Variants in PTK2B observed in about 807,000 individuals in gnomAD.
PTK2B encodes the protein protein tyrosine kinase 2 beta.
PTK2B carries 71 observed loss-of-function variants against 142.9 expected under a neutral mutation model. The observed-to-expected ratio is 0.50, with a 90% CI of 0.41 to 0.61. The LOEUF (loss-of-function observed/expected upper bound fraction) is 0.61, where lower values mean the gene tolerates loss of function less well. PTK2B is among the 20% of genes least tolerant of loss of function. The probability of loss-of-function intolerance (pLI) is 0.00; values close to 1 mark genes in which losing one functional copy is unlikely to be tolerated. For missense variants in PTK2B, 1,105 were observed against 1,320.4 expected (o/e 0.84, Z 2.53); for synonymous variants, 519 against 503.4 (o/e 1.03, Z -0.42).
intron 1 of PTK2B, among the ~76,000 whole-genome samples, chr8:27,333,496 A>G (rs1232409588): frequency 2.0e-5 from 3 of 152,310 alleles, no homozygotes; most frequent in East Asian, 1.9e-4. Flanking sequence ...ATCTGAATAA[A>G]TTGCGTAACT....
rs769931947 is a variant in PTK2B, at chr8:27,420,755, C to G, written c.471+11C>G. ...TATTTTTACCAACAGGTAAAAAGTACTTTATCTTCTTGCCCCGAGGCTCCC... is the reference window on the plus strand; with the variant it reads ...TATTTTTACCAACAGGTAAAAAGTAGTTTATCTTCTTGCCCCGAGGCTCCC... On this transcript the variant is annotated intron_variant, in intron 4 of 30. Coordinates refer to ENST00000346049, the MANE Select transcript of PTK2B (RefSeq NM_173176.3). 11 of 1,596,714 alleles carry G rather than the reference C, an allele frequency of 6.9e-6. No homozygotes were observed. Among genetic ancestry groups the G allele is most frequent in the East Asian group, 2.2e-5 (1 of 44,798 alleles).
At chr8:27,436,434 C>A in intron 15 of PTK2B, 86 bp downstream of exon 15, 1 of 1,335,668 alleles carries the variant, frequency 7.5e-7, no homozygotes, top group Non-Finnish European at 1.1e-6. Flanking sequence ...TTGGAGTTGG[C>A]ACAGCCTTCA....
At chr8:27,429,330 G>A (rs1810269473) in intron 5 of PTK2B, among the ~76,000 whole-genome samples, 1 of 152,184 alleles carries the variant, frequency 6.6e-6, no homozygotes, top group Non-Finnish European at 1.5e-5. Context: ...TTATAAGGAT[G>A]CCCGAATTAA....
intron 2 of PTK2B, among the ~76,000 whole-genome samples, chr8:27,404,872 A>G (rs1286895285): frequency 6.6e-6 from 1 of 152,128 alleles, no homozygotes; most frequent in East Asian, 1.9e-4. Flanking sequence ...TGATGCCCTA[A>G]CACCCAGTGT....
intron 2 of PTK2B, among the ~76,000 whole-genome samples, chr8:27,405,564 AG>A (rs1808660253): frequency 6.6e-6 from 1 of 152,204 alleles, no homozygotes; most frequent in Admixed American, 6.5e-5. Flanking sequence ...GTATTTAAAA[AG>A]GTATATTCAC....
rs556995193 is a variant in PTK2B at position 27,315,879 on chromosome 8, A to G, written c.-414+2592A>G. Reference sequence around the variant, plus strand: ...CCACTATAAAAGAAAAGATGGAACTAATTGCTCCAAGTTCTGACCAACTTA... The same window carrying G: ...CCACTATAAAAGAAAAGATGGAACTGATTGCTCCAAGTTCTGACCAACTTA... On this transcript the variant is annotated intron_variant, in intron 3 of 35. Coordinates refer to the PTK2B transcript ENST00000397501. Among the ~76,000 whole-genome samples the G allele has an allele frequency of 3.0e-4, 45 of 152,196 alleles. No individual in the cohort carries two copies. In the South Asian group the frequency reaches 4.8e-3, roughly 16 times the overall value.
intron 1 of PTK2B, among the ~76,000 whole-genome samples, chr8:27,370,057 AT>A (rs1316195498): frequency 6.6e-6 from 1 of 152,258 alleles, no homozygotes; most frequent in Non-Finnish European, 1.5e-5. Context: ...TGAGGTCTCC[AT>A]TGAAGATGTG....
chr8:27,389,988 G>A lies in PTK2B; in HGVS notation c.-37-7560G>A, dbSNP rs1055281643. Among the ~76,000 whole-genome samples the A allele has an allele frequency of 3.9e-5, 6 of 152,332 alleles. No homozygotes were observed. In the East Asian group the frequency reaches 7.7e-4, roughly 20 times the overall value. ...GGCCTTTGGGATAGGAAAGGGCTGC[G>A]TTCTCCATCTTGTTGATGTGGAAAC... On this transcript the variant is annotated intron_variant, in intron 1 of 30. Transcript: ENST00000346049.
At chr8:27,374,097 A>G (rs2130975729) in intron 1 of PTK2B, among the ~76,000 whole-genome samples, 1 of 152,258 alleles carries the variant, frequency 6.6e-6, no homozygotes, top group South Asian at 2.1e-4. Flanking sequence ...TGGAAGTGGG[A>G]ACGCTGATAC....
chr8:27,430,735 G>A (rs1201291646), intron 7 of PTK2B, 141 bp from the exon 8 acceptor site: 78 of 1,263,646 alleles, frequency 6.2e-5, no homozygotes, highest in Non-Finnish European at 8.1e-5. Flanking sequence ...TGGGTTTTAG[G>A]TCATAGATCA....
At chr8:27,401,979 A>G (rs917467414) in intron 2 of PTK2B, among the ~76,000 whole-genome samples, 1 of 152,148 alleles carries the variant, frequency 6.6e-6, no homozygotes, top group Non-Finnish European at 1.5e-5. Flanking sequence ...TTGGAAAGCA[A>G]TAATATGCAT....
At chr8:27,437,067 C>A in intron 15 of PTK2B, 55 bp from the exon 16 acceptor site, 1 of 1,549,276 alleles carries the variant, frequency 6.5e-7, no homozygotes, top group South Asian at 1.1e-5. Flanking sequence ...CAGGAGGGAA[C>A]ATTCTGCTGA....
intron 5 of PTK2B, among the ~76,000 whole-genome samples, chr8:27,425,023 A>T (rs1254320138): frequency 6.6e-6 from 1 of 152,094 alleles, no homozygotes; most frequent in East Asian, 1.9e-4. Context: ...AGATTCCTTC[A>T]TCTGTAAAAT....
intron 1 of PTK2B, among the ~76,000 whole-genome samples, chr8:27,369,347 C>G (rs1363656360): frequency 6.6e-6 from 1 of 152,094 alleles, no homozygotes; most frequent in East Asian, 1.9e-4. Flanking sequence ...GCAAAGAACC[C>G]AATGCCAAGT....
intron 2 of PTK2B, among the ~76,000 whole-genome samples, chr8:27,409,063 T>C (rs760491044): frequency 6.6e-6 from 1 of 152,172 alleles, no homozygotes; most frequent in Non-Finnish European, 1.5e-5. Flanking sequence ...TGCATGTCTC[T>C]CTCTGCATTC....
intron 2 of PTK2B, among the ~76,000 whole-genome samples, chr8:27,418,743 A>G (rs1809556902): frequency 6.6e-6 from 1 of 152,158 alleles, no homozygotes; most frequent in African/African-American, 2.4e-5. Flanking sequence ...AAATGGCACC[A>G]AAGTCCGGGC....
At chr8:27,431,522 C>T (rs776281252) in intron 9 of PTK2B, 50 bp downstream of exon 9, 2 of 1,607,758 alleles carry the variant, frequency 1.2e-6, no homozygotes, top group African/African-American at 1.3e-5. Flanking sequence ...GGAGGTCGTC[C>T]CCTCTCTGCT....
At chr8:27,316,201 C>T (rs1253659159) in intron 3 of PTK2B, among the ~76,000 whole-genome samples, 3 of 152,142 alleles carry the variant, frequency 2.0e-5, no homozygotes, top group Non-Finnish European at 4.4e-5. Flanking sequence ...AAACCCCTTG[C>T]CATCACCATG....
intron 1 of PTK2B, among the ~76,000 whole-genome samples, chr8:27,392,166 A>G (rs145356615): frequency 7.9e-5 from 12 of 152,346 alleles, no homozygotes; most frequent in African/African-American, 1.7e-4. Flanking sequence ...AACAAGTTCT[A>G]TCATCAAGAA....
Sources: allele counts gnomAD v4.1 joint callset (sites outside exome capture counted in the v4.1 genomes callset), GRCh38; gene constraint gnomAD v4.1.1; transcripts MANE v1.5; gene names NCBI Gene and HGNC (gene_info 2026-07-23, HGNC 2026-07-21).